The following GRK5 variants were observed in gnomAD, a reference collection of about 807,000 sequenced individuals.
GRK5 encodes the protein g protein-coupled receptor kinase GRK5.
Under a neutral mutation model 78.4 loss-of-function variants are expected in GRK5, and 40 were observed. The observed-to-expected ratio is 0.51, with a 90% CI of 0.40 to 0.66. The LOEUF is 0.66. GRK5 is among the 30% of genes least tolerant of loss of function. The pLI is 0.00. For synonymous variants in GRK5, 289 were observed against 296.8 expected (o/e 0.97, Z 0.27); for missense variants, 598 against 759.9 (o/e 0.79, Z 2.50).
intron 1 of GRK5, among the ~76,000 whole-genome samples, chr10:119,302,659 G>A (rs1242616420): frequency 1.3e-5 from 2 of 152,202 alleles, no homozygotes; most frequent in Non-Finnish European, 2.9e-5. Context: ...CCTACCTGGT[G>A]GTTTCAAACC....
chr10:119,291,825 A>C (rs1358057015), intron 1 of GRK5, among the ~76,000 whole-genome samples: 26 of 104,330 alleles, frequency 2.5e-4, no homozygotes, highest in African/African-American at 4.6e-4. Context: ...CCTTATCCTC[A>C]TTCTCCTCTT....
chr10:119,434,831 C>T (rs187174327), intron 8 of GRK5, among the ~76,000 whole-genome samples: 1 of 152,368 alleles, frequency 6.6e-6, no homozygotes, highest in Admixed American at 6.5e-5. Context: ...CCACATTTCC[C>T]TTCTGCACTG....
Position 119,431,349 on chromosome 10 carries a change from G to C in GRK5, c.598-38G>C. Reference sequence around the variant, plus strand: ...GGAGGAGCTCGGGGCAGGCCTCCACGGTGCTCCTGCCACCCTGGTTTCTTT... The same window carrying C: ...GGAGGAGCTCGGGGCAGGCCTCCACCGTGCTCCTGCCACCCTGGTTTCTTT... On this transcript the variant is annotated intron_variant, in intron 7 of 15. Coordinates refer to ENST00000392870, the MANE Select transcript of GRK5 (RefSeq NM_005308.3). This position sits in a 1 kb window ranked among gnomAD's most constrained non-coding sequence, Gnocchi z 4.8. 6.3e-7 allele frequency: 1 copy of C among 1,595,486 alleles called. No individual in the cohort carries two copies. The highest frequency in any genetic ancestry group is 8.5e-7 in the Non-Finnish European group (1 of 1,170,554).
chr10:119,370,366 A>G (rs554093217), intron 2 of GRK5, among the ~76,000 whole-genome samples: 12 of 152,216 alleles, frequency 7.9e-5, no homozygotes, highest in Non-Finnish European at 1.3e-4. Context: ...ATCCCACAGA[A>G]ACATGTGACA....
Position 119,412,425 on chromosome 10 carries a change from G to A in GRK5, c.340-10741G>A, listed in dbSNP as rs1852365069. 6.6e-6 allele frequency among the ~76,000 whole-genome samples: 1 copy of A among 152,198 alleles called. No homozygotes were observed. Among genetic ancestry groups the A allele is most frequent in the Non-Finnish European group, 1.5e-5 (1 of 68,030 alleles). ...GAGGGCTGCTGGATGTTGGCATCAG[G>A]CCCAGGGTGGAGGGAGGGACAGGCC... On this transcript the variant is annotated intron_variant, in intron 4 of 15. Coordinates refer to ENST00000392870, the MANE Select transcript of GRK5 (RefSeq NM_005308.3). The surrounding 1 kb of genome is among the most constrained non-coding windows in gnomAD (Gnocchi z 4.3).
chr10:119,381,650 G>A (rs922401898), intron 3 of GRK5, among the ~76,000 whole-genome samples: 1 of 152,216 alleles, frequency 6.6e-6, no homozygotes, highest in Admixed American at 6.5e-5. Context: ...GGGCACCTCG[G>A]TTCAGCCAAC....
chr10:119,283,772 C>T (rs748184278), intron 1 of GRK5, among the ~76,000 whole-genome samples: 2 of 152,192 alleles, frequency 1.3e-5, no homozygotes, highest in Admixed American at 6.5e-5. Flanking sequence ...CTCAAGGTCA[C>T]ATAGGTAGTA....
chr10:119,444,822 C>A (rs1853111106), intron 12 of GRK5, among the ~76,000 whole-genome samples: 1 of 152,244 alleles, frequency 6.6e-6, no homozygotes, highest in Non-Finnish European at 1.5e-5. Context: ...GGGGCAGATT[C>A]AGCGTGTGCA....
intron 6 of GRK5, among the ~76,000 whole-genome samples, chr10:119,427,829 T>A (rs1044714988): frequency 1.3e-5 from 2 of 152,164 alleles, no homozygotes; most frequent in Non-Finnish European, 2.9e-5. Flanking sequence ...ATCATCAGCA[T>A]CACTGCCATC....
chr10:119,275,951 C>T (rs1345040427), intron 1 of GRK5, among the ~76,000 whole-genome samples: 1 of 152,140 alleles, frequency 6.6e-6, no homozygotes, highest in Non-Finnish European at 1.5e-5. Context: ...CATAGCTGTG[C>T]TAGCTCCTCA....
chr10:119,380,776 C>T, intron 2 of GRK5, 39 bp from the exon 3 acceptor site: 4 of 1,338,782 alleles, frequency 3.0e-6, no homozygotes, highest in Non-Finnish European at 3.2e-6. Flanking sequence ...GCCTGGCCTT[C>T]TCCTGGGTCT....
chr10:119,358,431 C>G (rs1396008552), intron 2 of GRK5, among the ~76,000 whole-genome samples: 1 of 152,194 alleles, frequency 6.6e-6, no homozygotes, highest in Admixed American at 6.5e-5. Context: ...CTGTATCCAT[C>G]TCATGCCTCC....
At chr10:119,370,973 C>A (rs114922841) in intron 2 of GRK5, among the ~76,000 whole-genome samples, 5 of 142,654 alleles carry the variant, frequency 3.5e-5, no homozygotes, top group East Asian at 2.4e-4. Flanking sequence ...CTTCCACCCC[C>A]CCGCCCCACT....
chr10:119,208,204 C>T (rs1848422644), intron 1 of GRK5, among the ~76,000 whole-genome samples: 1 of 152,244 alleles, frequency 6.6e-6, no homozygotes, highest in Non-Finnish European at 1.5e-5. Flanking sequence ...TAACATATCT[C>T]CTAGTTTCCA....
intron 2 of GRK5, among the ~76,000 whole-genome samples, chr10:119,377,047 T>G (rs371070458): frequency 3.5e-4 from 54 of 152,292 alleles, no homozygotes; most frequent in African/African-American, 1.2e-3. Context: ...AGCATCCCAG[T>G]GTTCTCCCAC....
At chr10:119,442,171 A>G (rs1853051198) in intron 11 of GRK5, 83 bp downstream of exon 11, 1 of 1,088,070 alleles carries the variant, frequency 9.2e-7, no homozygotes, top group Non-Finnish European at 1.4e-6. Context: ...GCCTGCCCGC[A>G]GAGCCTCTCG....
At position 119,452,644 on chromosome 10, in the gene GRK5, G is replaced by A. The variant is rs200941667; in HGVS notation, c.1405-27G>A. 846 of 1,613,434 alleles carry A rather than the reference G, an allele frequency of 5.2e-4. No individual in the cohort carries two copies. The highest frequency in any genetic ancestry group is 9.3e-4 in the Admixed American group (56 of 60,008). On this transcript the variant is annotated intron_variant, in intron 13 of 15. Transcript: ENST00000392870. The surrounding 1 kb of genome is among the most constrained non-coding windows in gnomAD (Gnocchi z 4.4). Reference sequence around the variant, plus strand: ...CACTGGAGCCGCAGGCGGGACATATGTGTGACCGGCCCTCTGCCCCTGGCA... The same window carrying A: ...CACTGGAGCCGCAGGCGGGACATATATGTGACCGGCCCTCTGCCCCTGGCA...
chr10:119,259,054 T>C (rs1204472027), intron 1 of GRK5, among the ~76,000 whole-genome samples: 3 of 136,802 alleles, frequency 2.2e-5, no homozygotes, highest in African/African-American at 8.0e-5. Context: ...TGACACTCCC[T>C]CTTTCTTTTT....
rs1589806477 is a variant in GRK5, at chr10:119,430,634, G to T, written c.597+196G>T. On this transcript the variant is annotated intron_variant, in intron 7 of 15. Coordinates refer to ENST00000392870, the MANE Select transcript of GRK5 (RefSeq NM_005308.3). The surrounding 1 kb of genome is among the most constrained non-coding windows in gnomAD (Gnocchi z 4.5). ...TCAGGTGTGTCTATGGTGGAAAGAG[G>T]TTGTGGAGCTGGGCAGGTGAGACAG... 1.3e-5 allele frequency among the ~76,000 whole-genome samples: 2 copies of T among 152,040 alleles called. No individual in the cohort carries two copies. Among genetic ancestry groups the T allele is most frequent in the Admixed American group, 1.3e-4 (2 of 15,280 alleles).
Sources: gnomAD v4.1 joint callset for allele counts (sites outside exome capture counted in the v4.1 genomes callset) on GRCh38, gnomAD v4.1.1 for gene constraint, Gnocchi (gnomAD v3.1) non-coding constraint, MANE v1.5 for transcripts, NCBI Gene and HGNC (gene_info 2026-07-23, HGNC 2026-07-21) for gene names.